The following VRK2 variants were observed in gnomAD, a reference collection of about 807,000 sequenced individuals.
VRK2 encodes serine/threonine-protein kinase VRK2.
VRK2 carries 60 observed loss-of-function variants against 57.6 expected under a neutral mutation model. The ratio of observed to expected loss-of-function variants is 1.04; its 90% confidence interval spans 0.85 to 1.29. The LOEUF (loss-of-function observed/expected upper bound fraction) is 1.29. Ranked by LOEUF, VRK2 falls within the 50% of genes most tolerant of loss-of-function variation. The probability of loss-of-function intolerance (pLI) is 0.00; values close to 1 mark genes in which losing one functional copy is unlikely to be tolerated. For missense variants in VRK2, 705 were observed against 588.1 expected (o/e 1.20, Z -2.06); for synonymous variants, 231 against 199.2 (o/e 1.16, Z -1.35).
chr2:57,910,035 A>G (rs72943369), intron 1 of VRK2, among the ~76,000 whole-genome samples: 5,333 of 152,232 alleles, frequency 0.035, 335 homozygotes, highest in African/African-American at 0.12. Flanking sequence ...ATTCCAGATT[A>G]AAATGGTAAA....
intron 2 of VRK2, chr2:58,026,879 TTTTTC>T (rs1402911579): frequency 1.3e-5 from 2 of 150,250 alleles, no homozygotes; most frequent in African/African-American, 4.9e-5. Flanking sequence ...CACACAGCTT[TTTTTC>T]TTTTCTTTTT....
intron 9 of VRK2, among the ~76,000 whole-genome samples, chr2:58,133,798 C>A (rs1160988046): frequency 6.6e-6 from 1 of 152,086 alleles, no homozygotes; most frequent in East Asian, 1.9e-4. Flanking sequence ...AATCATGGGA[C>A]AGCATAAAAT....
intron 7 of VRK2, among the ~76,000 whole-genome samples, chr2:58,100,988 C>G (rs949411403): frequency 6.6e-6 from 1 of 151,538 alleles, no homozygotes; most frequent in Admixed American, 6.6e-5. Flanking sequence ...CAGATTAGAG[C>G]CATATTAAAA....
At chr2:58,129,098 T>A (rs903045336) in intron 8 of VRK2, among the ~76,000 whole-genome samples, 5 of 152,202 alleles carry the variant, frequency 3.3e-5, no homozygotes, top group South Asian at 2.1e-4. Context: ...TTAGATGCTA[T>A]TAATAATATT....
intron 7 of VRK2, among the ~76,000 whole-genome samples, chr2:58,111,515 G>A (rs1675563601): frequency 6.6e-6 from 1 of 152,206 alleles, no homozygotes; most frequent in East Asian, 1.9e-4. Context: ...ATTTTGGGAA[G>A]CTGAAGCAGG....
intron 2 of VRK2, among the ~76,000 whole-genome samples, chr2:58,077,640 G>A (rs1387524076): frequency 6.6e-6 from 1 of 151,978 alleles, no homozygotes; most frequent in Non-Finnish European, 1.5e-5. Context: ...TCAAAGCATA[G>A]TAATTTTCTG....
At chr2:58,016,180 T>A (rs1397547310) in intron 1 of VRK2, among the ~76,000 whole-genome samples, 1 of 151,220 alleles carries the variant, frequency 6.6e-6, no homozygotes, top group East Asian at 1.9e-4. Context: ...CATAATAATA[T>A]CCATCTTACA....
At chr2:58,093,446 G>A (rs1450767110) in intron 7 of VRK2, among the ~76,000 whole-genome samples, 1 of 151,930 alleles carries the variant, frequency 6.6e-6, no homozygotes, top group African/African-American at 2.4e-5. Flanking sequence ...GTGTTTTTTG[G>A]CTGCATAAAT....
At chr2:58,047,329 C>G (rs79554817) in intron 1 of VRK2, 1 of 722,356 alleles carries the variant, frequency 1.4e-6, no homozygotes, top group East Asian at 1.3e-4. Context: ...CCCTGGGTAC[C>G]AGTTTGCTCG....
chr2:58,101,286 T>C (rs2104344032), intron 7 of VRK2, among the ~76,000 whole-genome samples: 1 of 151,846 alleles, frequency 6.6e-6, no homozygotes, highest in East Asian at 1.9e-4. Context: ...TACTGAAAAA[T>C]AGAGAACTCC....
At chr2:58,009,540 C>T (rs1029207629) in intron 1 of VRK2, among the ~76,000 whole-genome samples, 2 of 148,892 alleles carry the variant, frequency 1.3e-5, no homozygotes, top group African/African-American at 5.0e-5. Context: ...TGTCTTCTAA[C>T]CACTCAATCA....
intron 1 of VRK2, among the ~76,000 whole-genome samples, chr2:57,943,745 G>A (rs747588606): frequency 1.2e-4 from 19 of 152,284 alleles, no homozygotes; most frequent in Middle Eastern, 3.4e-3. Flanking sequence ...TCTTTTGGCC[G>A]AGGAAAGGGT....
At chr2:58,021,552 T>G (rs1451928558) in intron 1 of VRK2, among the ~76,000 whole-genome samples, 5 of 152,200 alleles carry the variant, frequency 3.3e-5, no homozygotes, top group African/African-American at 9.7e-5. Context: ...TTATCTGGGT[T>G]TATACTACCA....
intron 1 of VRK2, among the ~76,000 whole-genome samples, chr2:57,991,286 G>C (rs1302828339): frequency 6.6e-6 from 1 of 151,124 alleles, no homozygotes. Context: ...TGTGGTAGCA[G>C]TTACATTATT....
intron 1 of VRK2, among the ~76,000 whole-genome samples, chr2:57,962,029 A>G (rs962038045): frequency 6.6e-6 from 1 of 152,192 alleles, no homozygotes; most frequent in African/African-American, 2.4e-5. Context: ...CTAAGCCGTG[A>G]TTGCGCCACT....
At chr2:58,023,479 G>A (rs1266043520) in intron 1 of VRK2, among the ~76,000 whole-genome samples, 2 of 151,976 alleles carry the variant, frequency 1.3e-5, no homozygotes, top group South Asian at 4.1e-4. Flanking sequence ...ATGAACATCC[G>A]TATATATGTA....
chr2:58,021,984 G>A (rs949534700), intron 1 of VRK2, among the ~76,000 whole-genome samples: 7 of 152,128 alleles, frequency 4.6e-5, no homozygotes, highest in African/African-American at 7.2e-5. Flanking sequence ...CAGTCAGAAC[G>A]TTGGTAAATT....
chr2:58,051,392 A>G (rs1030315726), intron 2 of VRK2, among the ~76,000 whole-genome samples: 1 of 152,236 alleles, frequency 6.6e-6, no homozygotes, highest in Non-Finnish European at 1.5e-5. Context: ...TGTTCCATTA[A>G]AAGTGATGCT....
intron 1 of VRK2, among the ~76,000 whole-genome samples, chr2:57,926,215 T>C (rs1287809004): frequency 6.6e-6 from 1 of 151,860 alleles, no homozygotes; most frequent in East Asian, 1.9e-4. Context: ...TTGAATAAAT[T>C]GTTCTGTATA....
Sources: allele counts gnomAD v4.1 joint callset (sites outside exome capture counted in the v4.1 genomes callset), GRCh38; gene constraint gnomAD v4.1.1; transcripts MANE v1.5; gene names NCBI Gene and HGNC (gene_info 2026-07-23, HGNC 2026-07-21).